TAFA1: variants seen among roughly 807,000 people sequenced by gnomAD.
TAFA1 encodes TAFA chemokine like family member 1.
Under a neutral mutation model 18.5 loss-of-function variants are expected in TAFA1, and 4 were observed. That is an observed-to-expected ratio of 0.22 (90% CI 0.11 to 0.49). The LOEUF is 0.49. Ranked by LOEUF, TAFA1 falls within the 20% of genes least tolerant of loss-of-function variation. The pLI is 0.98. For missense variants in TAFA1, 147 were observed against 169.0 expected (o/e 0.87, Z 0.72); for synonymous variants, 56 against 55.2 (o/e 1.01, Z -0.06).
intron 2 of TAFA1, among the ~76,000 whole-genome samples, chr3:68,392,155 A>C (rs1347002818): frequency 7.6e-6 from 1 of 131,070 alleles, no homozygotes; most frequent in African/African-American, 2.9e-5. Flanking sequence ...AAATAAAGGG[A>C]GGGAGGAATA....
chr3:68,461,402 C>T (rs2071779174), intron 3 of TAFA1, among the ~76,000 whole-genome samples: 1 of 100,804 alleles, frequency 9.9e-6, no homozygotes, highest in Admixed American at 9.6e-5. Flanking sequence ...TATATCCATC[C>T]CATCTAGAGA....
At chr3:68,297,364 A>C (rs1384578460) in intron 2 of TAFA1, among the ~76,000 whole-genome samples, 1 of 152,182 alleles carries the variant, frequency 6.6e-6, no homozygotes, top group Non-Finnish European at 1.5e-5. Context: ...AACATTCCTA[A>C]GTCTTCAGAA....
chr3:68,177,219 T>C (rs749494436), intron 2 of TAFA1, among the ~76,000 whole-genome samples: 14 of 152,230 alleles, frequency 9.2e-5, no homozygotes, highest in Non-Finnish European at 1.8e-4. Flanking sequence ...TGCCCACATA[T>C]TTCTGCCAAG....
At position 68,231,344 on chromosome 3, in the gene TAFA1, A is replaced by ATTTTTTTTT. The variant is rs1175174572; in HGVS notation, c.119-185917_119-185909dup. Among the ~76,000 whole-genome samples, 15 of 79,874 alleles carry ATTTTTTTTT rather than the reference A, an allele frequency of 1.9e-4. 1 individual carries two copies. Among genetic ancestry groups the ATTTTTTTTT allele is most frequent in the East Asian group, 8.0e-4 (2 of 2,490 alleles). 52.4% of individuals were successfully genotyped at this position (79,874 alleles called of 152,430 possible). ...ATCTACCCATGCTTTAATCTATTTG[A>ATTTTTTTTT]TTTTTTTTTTTTTTTTTTTTTTTTT... On this transcript the variant is annotated intron_variant, in intron 2 of 4. Coordinates refer to ENST00000478136, the MANE Select transcript of TAFA1 (RefSeq NM_213609.4).
chr3:68,280,580 T>A (rs1251670617), intron 2 of TAFA1, among the ~76,000 whole-genome samples: 1 of 152,156 alleles, frequency 6.6e-6, no homozygotes, highest in East Asian at 1.9e-4. Flanking sequence ...CTACCTCCAC[T>A]TTTAAAGAAA....
chr3:68,234,035 T>C (rs1164890903), intron 2 of TAFA1, among the ~76,000 whole-genome samples: 2 of 152,202 alleles, frequency 1.3e-5, no homozygotes, highest in Non-Finnish European at 2.9e-5. Flanking sequence ...CACTGCTCAC[T>C]GCTGAGTCTC....
At chr3:68,435,849 G>A (rs1448320869) in intron 3 of TAFA1, among the ~76,000 whole-genome samples, 1 of 152,130 alleles carries the variant, frequency 6.6e-6, no homozygotes, top group East Asian at 1.9e-4. Flanking sequence ...GTAAAAACAG[G>A]CCCTTCATAT....
chr3:68,439,311 T>G (rs1283993968), intron 3 of TAFA1, among the ~76,000 whole-genome samples: 1 of 150,898 alleles, frequency 6.6e-6, no homozygotes, highest in African/African-American at 2.4e-5. Context: ...AAATTTCTTC[T>G]GCCACATACC....
At chr3:68,074,771 T>C (rs754414571) in intron 2 of TAFA1, among the ~76,000 whole-genome samples, 8 of 152,166 alleles carry the variant, frequency 5.3e-5, no homozygotes, top group Non-Finnish European at 7.4e-5. Flanking sequence ...ACCATATACA[T>C]TTTCTTTGGA....
intron 2 of TAFA1, among the ~76,000 whole-genome samples, chr3:68,301,708 T>TA: frequency 1.3e-5 from 2 of 152,258 alleles, no homozygotes; most frequent in African/African-American, 4.8e-5. Flanking sequence ...ATAACTGAGT[T>TA]AAAAACTAGC....
intron 2 of TAFA1, among the ~76,000 whole-genome samples, chr3:68,404,239 C>G (rs975275632): frequency 3.9e-5 from 6 of 152,164 alleles, no homozygotes; most frequent in African/African-American, 1.4e-4. Flanking sequence ...AATTCAATCT[C>G]AAACACTGTG....
At chr3:68,001,853 G>A (rs1239641003), upstream of TAFA1, among the ~76,000 whole-genome samples, 1 of 152,196 alleles carries the variant, frequency 6.6e-6, no homozygotes, top group Non-Finnish European at 1.5e-5. Flanking sequence ...ATCCATTAAA[G>A]ATTGGTAGGG....
intron 2 of TAFA1, among the ~76,000 whole-genome samples, chr3:68,134,713 G>A (rs576886157): frequency 6.6e-6 from 1 of 152,130 alleles, no homozygotes; most frequent in Non-Finnish European, 1.5e-5. Flanking sequence ...CATGCTATTT[G>A]TCTGGAAAAA....
At chr3:68,450,557 C>T (rs2071553388) in intron 3 of TAFA1, among the ~76,000 whole-genome samples, 1 of 152,096 alleles carries the variant, frequency 6.6e-6, no homozygotes, top group Admixed American at 6.5e-5. Flanking sequence ...GGATCAGATC[C>T]CATTAAAAGG....
intron 2 of TAFA1, among the ~76,000 whole-genome samples, chr3:68,325,553 G>A (rs1030700031): frequency 7.9e-5 from 12 of 151,994 alleles, no homozygotes; most frequent in African/African-American, 2.9e-4. Context: ...TATTAATTTT[G>A]CAACTATTAT....
chr3:68,358,349 C>T (rs1412765412), intron 2 of TAFA1, among the ~76,000 whole-genome samples: 1 of 151,682 alleles, frequency 6.6e-6, no homozygotes, highest in Non-Finnish European at 1.5e-5. Flanking sequence ...TGATGGCATA[C>T]CATATGTCAA....
intron 2 of TAFA1, among the ~76,000 whole-genome samples, chr3:68,345,387 C>T (rs1053899203): frequency 6.6e-6 from 1 of 152,204 alleles, no homozygotes; most frequent in African/African-American, 2.4e-5. Flanking sequence ...ATCATCCTTG[C>T]AGCCCTTCCT....
chr3:68,330,854 A>G (rs1344114929), intron 2 of TAFA1, among the ~76,000 whole-genome samples: 1 of 152,194 alleles, frequency 6.6e-6, no homozygotes, highest in African/African-American at 2.4e-5. Context: ...CTCAATAAAT[A>G]TTTGTATTGC....
At chr3:68,337,541 C>T (rs1277981487) in intron 2 of TAFA1, among the ~76,000 whole-genome samples, 3 of 152,286 alleles carry the variant, frequency 2.0e-5, no homozygotes, top group Admixed American at 6.5e-5. Flanking sequence ...ATAATTGATG[C>T]ATACTATTTG....
Sources: gnomAD v4.1 joint callset for allele counts (sites outside exome capture counted in the v4.1 genomes callset) on GRCh38, gnomAD v4.1.1 for gene constraint, MANE v1.5 for transcripts, NCBI Gene and HGNC (gene_info 2026-07-23, HGNC 2026-07-21) for gene names.